CAD: variants seen among roughly 807,000 people sequenced by gnomAD.
The protein encoded by CAD is multifunctional protein CAD.
CAD carries 81 observed loss-of-function variants against 237.2 expected under a neutral mutation model. The ratio of observed to expected loss-of-function variants is 0.34; its 90% CI spans 0.29 to 0.41. CAD has a LOEUF of 0.41. CAD is among the 10% of genes least tolerant of loss of function. The probability of loss-of-function intolerance (pLI) is 1.00; values close to 1 mark genes in which losing one functional copy is unlikely to be tolerated. For missense variants in CAD, 2,181 were observed against 2,951.7 expected (o/e 0.74, Z 6.05); for synonymous variants, 1,196 against 1,162.8 (o/e 1.03, Z -0.58).
rs1675217639 is a variant in CAD at position 27,222,416 on chromosome 2, G to C, written c.495+80G>C. ...GCCCACAATTGGGGGGTGAACACAG[G>C]AGAGAATCAAAGGAGGCTTTGAAGG... On this transcript the variant is annotated intron_variant, in intron 4 of 43. Transcript: ENST00000264705. 12 of 1,583,044 alleles carry C rather than the reference G, an allele frequency of 7.6e-6. No individual in the cohort carries two copies. In the South Asian group the frequency reaches 1.4e-4, roughly 18 times the overall value.
chr2:27,237,900 G>A lies in CAD; in HGVS notation c.4728+18G>A, dbSNP rs567800618. On this transcript the variant is annotated intron_variant, in intron 29 of 43. Transcript: ENST00000264705. This position sits in a 1 kb window ranked among gnomAD's most constrained non-coding sequence, Gnocchi z 4.0. ...GGATGGAGGTAGGGAGTGTGCATGTGGCAGGAGGCCACCACCCAGTGTCTC... is the reference window on the plus strand; with the variant it reads ...GGATGGAGGTAGGGAGTGTGCATGTAGCAGGAGGCCACCACCCAGTGTCTC... 5.8e-5 allele frequency: 92 copies of A among 1,591,858 alleles called. No homozygotes were observed. In the South Asian group the frequency reaches 1.0e-3, roughly 18 times the overall value.
rs566973732 is a variant in CAD, at chr2:27,239,178, C to T, written c.5199C>T (p.His1733=). ...TGGACGACCTGCTGCAGCGATTGCA[C>T]CACAATCCTCGGCGCATCTTTCACC... The part of the protein sequence containing the change: ...LSLDDLLQRL[H]HNPRRIFHLP... Residue 1733 remains histidine (H), a synonymous_variant, in exon 32 of 44, where the codon CAC becomes CAT. Transcript: ENST00000264705. This position sits in a 1 kb window ranked among gnomAD's most constrained non-coding sequence, Gnocchi z 4.0. 4 of 1,612,326 alleles carry T rather than the reference C, an allele frequency of 2.5e-6. No homozygotes were observed. Among genetic ancestry groups the T allele is most frequent in the African/African-American group, 2.7e-5 (2 of 75,026 alleles).
Position 27,217,810 on chromosome 2 carries a change from T to G in CAD, c.83-67T>G, listed in dbSNP as rs920439071. Reference sequence around the variant, plus strand: ...GACCAAGGCAGCCTCCACTGGGGCGTGCTCATCGCGCGGGGAGTGTTCCGA... The same window carrying G: ...GACCAAGGCAGCCTCCACTGGGGCGGGCTCATCGCGCGGGGAGTGTTCCGA... On this transcript the variant is annotated intron_variant, in intron 1 of 43. Coordinates refer to ENST00000264705, the MANE Select transcript of CAD (RefSeq NM_004341.5). 3 of 1,523,970 alleles carry G rather than the reference T, an allele frequency of 2.0e-6. No homozygotes were observed. The African/African-American group carries it at 4.2e-5, about 21-fold the overall frequency. The allele number at this position is 1,523,970 out of a possible 1,614,324, so 94.4% of individuals were successfully genotyped here.
At chr2:27,243,097 C>G (rs1430275774) in intron 42 of CAD, 101 bp from the exon 43 acceptor site, 1 of 1,345,296 alleles carries the variant, frequency 7.4e-7, no homozygotes, top group Non-Finnish European at 1.1e-6. Flanking sequence ...ATTGCCATAG[C>G]TGCATGTGGG....
intron 7 of CAD, 33 bp from the exon 8 acceptor site, chr2:27,223,884 A>G (rs751092077): frequency 5.1e-6 from 8 of 1,577,454 alleles, no homozygotes; most frequent in Admixed American, 3.3e-5. Flanking sequence ...GCCAGGGACC[A>G]TGATGGTTTT....
In CAD at chr2:27,238,706, A is replaced by G. The variant is rs149442550; in HGVS notation, c.5062+74A>G. The stretch of plus-strand genomic sequence containing the variant: ...CAGCCCTAGCAAGAAAATGGGAAGC[A>G]GGCCAGGCCTCAGGACTCTACTAGG... On this transcript the variant is annotated intron_variant, in intron 31 of 43. Coordinates refer to ENST00000264705, the MANE Select transcript of CAD (RefSeq NM_004341.5). The G allele has an allele frequency of 1.0e-3, 1,445 of 1,398,646 alleles. 7 individuals are homozygous for G. In the African/African-American group the frequency reaches 0.01, roughly 10 times the overall value. The allele number at this position is 1,398,646 out of a possible 1,614,324, so 86.6% of individuals were successfully genotyped here. A position where few individuals can be genotyped will look rare whatever the true frequency, so the allele number is the denominator to read the frequency against.
rs1458235461 is a variant in CAD, at chr2:27,239,313, C to A, written c.5254-18C>A. ...TCTGGGGATCCTTTCCCTAGCATAA[C>A]CCATGTCCTCTGGGCAGGTGGATCT... On this transcript the variant is annotated intron_variant, in intron 32 of 43. Coordinates refer to ENST00000264705, the MANE Select transcript of CAD (RefSeq NM_004341.5). This position sits in a 1 kb window ranked among gnomAD's most constrained non-coding sequence, Gnocchi z 4.0. 1 of 1,610,530 alleles carries A rather than the reference C, an allele frequency of 6.2e-7. No individual in the cohort carries two copies. The highest frequency in any genetic ancestry group is 2.2e-5 in the East Asian group (1 of 44,738).
intron 31 of CAD, 125 bp from the exon 32 acceptor site, chr2:27,238,917 A>G (rs1198729944): frequency 3.1e-6 from 3 of 972,122 alleles, no homozygotes; most frequent in Non-Finnish European, 4.6e-6. Context: ...TAGTTCCCAG[A>G]AAAAATGAGC....
Position 27,242,989 on chromosome 2 carries a change from G to A in CAD, c.6480+16G>A. On this transcript the variant is annotated intron_variant, in intron 42 of 43. Coordinates refer to ENST00000264705, the MANE Select transcript of CAD (RefSeq NM_004341.5). This position sits in a 1 kb window ranked among gnomAD's most constrained non-coding sequence, Gnocchi z 6.4. ...GTACGAAGCTGTGAGTGCTGGGCTT[G>A]AGGAAGAAGCCAGGGCTGCTGCCGT... 1 of 1,577,452 alleles carries A rather than the reference G, an allele frequency of 6.3e-7. No individual in the cohort carries two copies. Among genetic ancestry groups the A allele is most frequent in the East Asian group, 2.3e-5 (1 of 44,438 alleles).
chr2:27,222,641 C>T lies in CAD; in HGVS notation c.618C>T (p.Asp206=). Residue 206 remains aspartate, a synonymous_variant, in exon 5 of 44, where the codon GAC becomes GAT. Transcript: ENST00000264705. ...RGAEVTVVPW[D]HALDSQEYEG... is the part of the protein sequence containing the mutation. ...CTGAGGTCACTGTGGTACCCTGGGA[C>T]CATGCACTAGACAGCCAAGGTGAGT... The T allele has an allele frequency of 6.2e-7, 1 of 1,613,924 alleles. No homozygotes were observed.
Position 27,237,463 on chromosome 2 carries a change from C to CT in CAD, c.4482dup (p.Gly1495TrpfsTer11). On this transcript the variant is annotated frameshift_variant, in exon 28 of 44. Transcript: ENST00000264705. LOFTEE classifies it high-confidence loss of function. The surrounding 1 kb of genome is among the most constrained non-coding windows in gnomAD (Gnocchi z 4.0). ...GCTTCAGGCACAGCCGCTGCCCTGG[C>CT]TGGGGGTATCACCATGGTGTGTGCC... 1 of 1,614,210 alleles carries CT rather than the reference C, an allele frequency of 6.2e-7. No individual in the cohort carries two copies. The highest frequency in any genetic ancestry group is 8.5e-7 in the Non-Finnish European group (1 of 1,180,006).
At chr2:27,223,317 G>C (rs1216785425) in intron 6 of CAD, among the ~76,000 whole-genome samples, 1 of 152,094 alleles carries the variant, frequency 6.6e-6, no homozygotes, top group African/African-American at 2.4e-5. Flanking sequence ...TGTAATCCCA[G>C]CTACTCCAGA....
chr2:27,238,789 G>T (rs1025896670), intron 31 of CAD, among the ~76,000 whole-genome samples, 157 bp downstream of exon 31: 1 of 152,206 alleles, frequency 6.6e-6, no homozygotes, highest in South Asian at 2.1e-4. Flanking sequence ...TGTGATAGGT[G>T]CCTGATAAAT....
Position 27,242,814 on chromosome 2 carries a change from G to T in CAD, c.6378+39G>T. The T allele has an allele frequency of 6.2e-7, 1 of 1,614,136 alleles. No individual in the cohort carries two copies. Among genetic ancestry groups the T allele is most frequent in the Non-Finnish European group, 8.5e-7 (1 of 1,179,966 alleles). Reference sequence around the variant, plus strand: ...AGCCCTGCCTGGAAGCCATGGAGATGTGGGTTGGGCAGTCAGAGCCCAGCG... The same window carrying T: ...AGCCCTGCCTGGAAGCCATGGAGATTTGGGTTGGGCAGTCAGAGCCCAGCG... On this transcript the variant is annotated intron_variant, in intron 41 of 43. Transcript: ENST00000264705. This position sits in a 1 kb window ranked among gnomAD's most constrained non-coding sequence, Gnocchi z 6.4.
chr2:27,239,383 C>A lies in CAD; in HGVS notation c.5306C>A (p.Ala1769Asp), dbSNP rs1676183988. The A allele has an allele frequency of 1.9e-6, 3 of 1,613,966 alleles. No homozygotes were observed. The highest frequency in any genetic ancestry group is 3.3e-5 in the Admixed American group (2 of 60,004). ...CCCAGCCACATGCCCTTCTCCAAGG[C>A]CCACTGGACACCTTTTGAAGGGCAG... ...TIPSHMPFSK[A>D]HWTPFEGQKV... The change falls in exon 33 of 44, where the codon GCC (alanine) becomes GAC (aspartate). Residue 1769 changes from alanine to aspartate, a missense_variant. Physicochemically the swap from Ala to Asp is moderately radical, Grantham distance 126 (BLOSUM62 -2). Coordinates refer to ENST00000264705, the MANE Select transcript of CAD (RefSeq NM_004341.5). The surrounding 1 kb of genome is among the most constrained non-coding windows in gnomAD (Gnocchi z 4.0).
In CAD at chr2:27,243,678, G is replaced by C; in HGVS notation, c.*160G>C. 1 of 634,560 alleles carries C rather than the reference G, an allele frequency of 1.6e-6. No homozygotes were observed. Among genetic ancestry groups the C allele is most frequent in the Non-Finnish European group, 2.8e-6 (1 of 361,816 alleles). The allele number at this position is 634,560 out of a possible 1,614,324, so 39.3% of individuals were successfully genotyped here. On this transcript the variant is annotated 3_prime_UTR_variant, in exon 44 of 44. Transcript: ENST00000264705. ...CTGGACTGGAGCTCTCTGGCATGGG[G>C]GTGGGGCCTCAGATGCTGGGGCCCA...
chr2:27,226,294 A>G lies in CAD; in HGVS notation c.2006A>G (p.Tyr669Cys). 6.2e-7 allele frequency: 1 copy of G among 1,614,194 alleles called. No homozygotes were observed. Among genetic ancestry groups the G allele is most frequent in the Non-Finnish European group, 8.5e-7 (1 of 1,180,020 alleles). ...LGIVGECNVQ[Y>C]ALNPESEQYY... ...ATTGTTGGGGAGTGCAATGTGCAGT[A>G]TGCCTTGAACCCTGAGTCTGAGCAG... The change falls in exon 13 of 44, where the codon TAT becomes TGT. Residue 669 changes from tyrosine to cysteine, a missense_variant. Transcript: ENST00000264705.
rs749232399 is a variant in CAD at position 27,235,274 on chromosome 2, G to A, written c.3816G>A (p.Ala1272=). ...CTCAGTTCTCCTTCTCCCGCTTGGC[G>A]GGTGCTGACGTGGTGTTGGGTGTGG... The part of the protein sequence containing the change: ...KVPQFSFSRL[A]GADVVLGVEM... The change falls in exon 24 of 44, where the codon GCG becomes GCA. Residue 1272 remains alanine, a synonymous_variant. Transcript: ENST00000264705. This position sits in a 1 kb window ranked among gnomAD's most constrained non-coding sequence, Gnocchi z 5.2. 26 of 1,611,434 alleles carry A rather than the reference G, an allele frequency of 1.6e-5. No homozygotes were observed. Among genetic ancestry groups the A allele is most frequent in the East Asian group, 4.5e-5 (2 of 44,810 alleles).
intron 11 of CAD, 80 bp from the exon 12 acceptor site, chr2:27,225,625 T>C: frequency 8.9e-7 from 1 of 1,124,954 alleles, no homozygotes; most frequent in Non-Finnish European, 1.3e-6. Flanking sequence ...TTATTTTCTT[T>C]ATATCTTTTT....
Sources: gnomAD v4.1 joint callset for allele counts (sites outside exome capture counted in the v4.1 genomes callset) on GRCh38, gnomAD v4.1.1 for gene constraint, Gnocchi (gnomAD v3.1) non-coding constraint, MANE v1.5 for transcripts, NCBI Gene and HGNC (gene_info 2026-07-23, HGNC 2026-07-21) for gene names.